The following CCDC30 variants were observed in gnomAD, a reference collection of about 807,000 sequenced individuals.
CCDC30 encodes coiled-coil domain containing 30.
A neutral mutation model predicts 100.2 loss-of-function variants in CCDC30; 70 were observed. The observed-to-expected ratio is 0.70, with a 90% CI of 0.58 to 0.85. CCDC30 has a LOEUF of 0.85. CCDC30 is among the 40% of genes least tolerant of loss of function. The pLI, the probability that CCDC30 is intolerant of heterozygous loss-of-function variation, is 0.00. For synonymous variants in CCDC30, 233 were observed against 269.5 expected (o/e 0.86, Z 1.33); for missense variants, 652 against 771.2 (o/e 0.85, Z 1.83).
chr1:42,471,146 T>G (rs1315948206), intron 1 of CCDC30, among the ~76,000 whole-genome samples: 1 of 152,098 alleles, frequency 6.6e-6, no homozygotes, highest in Non-Finnish European at 1.5e-5. Context: ...GGGAGAATGG[T>G]CAAGTGAAGG....
intron 16 of CCDC30, 67 bp downstream of exon 20, chr1:42,653,510 C>A: frequency 9.8e-7 from 1 of 1,023,636 alleles, no homozygotes. Context: ...GCCTGAGAGT[C>A]ATGGCTGCCT....
At chr1:42,553,608 A>G (rs533036526) in intron 6 of CCDC30, among the ~76,000 whole-genome samples, 1 of 149,436 alleles carries the variant, frequency 6.7e-6, no homozygotes, top group South Asian at 2.1e-4. Context: ...GTGAGCTATG[A>G]TCGCCCCACT....
In CCDC30 at chr1:42,554,436, C is replaced by G. The variant is rs1645326016; in HGVS notation, c.457-11860C>G. Among the ~76,000 whole-genome samples the G allele has an allele frequency of 2.6e-5, 4 of 152,142 alleles. No homozygotes were observed. In the South Asian group the frequency reaches 8.3e-4, roughly 32 times the overall value. On this transcript the variant is annotated intron_variant, in intron 6 of 16. Transcript: ENST00000668663. ...GGGACTATTGGTATGTACCACCACA[C>G]CTGGCTAATTTTTGTATTTTTAGTA...
intron 14 of CCDC30, among the ~76,000 whole-genome samples, chr1:42,645,612 G>A (rs1557492474): frequency 1.3e-5 from 2 of 152,104 alleles, no homozygotes; most frequent in Admixed American, 6.6e-5. Flanking sequence ...CACTGTTGCT[G>A]TAAGACTTGT....
chr1:42,507,517 T>C (rs1047212052), intron 6 of CCDC30, among the ~76,000 whole-genome samples: 1 of 152,234 alleles, frequency 6.6e-6, no homozygotes, highest in Admixed American at 6.5e-5. Context: ...AGACAATTCT[T>C]TATGACTAGG....
intron 7 of CCDC30, among the ~76,000 whole-genome samples, chr1:42,568,378 G>C (rs1434600540): frequency 6.6e-6 from 1 of 152,154 alleles, no homozygotes; most frequent in African/African-American, 2.4e-5. Context: ...GCTTCCCAAA[G>C]TGCTGGGATT....
At chr1:42,656,312 G>A (rs1648655949), downstream of CCDC30, among the ~76,000 whole-genome samples, 1 of 152,116 alleles carries the variant, frequency 6.6e-6, no homozygotes, top group African/African-American at 2.4e-5. Flanking sequence ...ATTGCTCTAG[G>A]ACATCACTTC....
At chr1:42,517,542 C>T (rs1644573012) in intron 6 of CCDC30, among the ~76,000 whole-genome samples, 1 of 152,176 alleles carries the variant, frequency 6.6e-6, no homozygotes. Flanking sequence ...AAGAATTTTA[C>T]AGTTTTAGCT....
At chr1:42,603,379 A>G (rs1318542045) in intron 10 of CCDC30, among the ~76,000 whole-genome samples, 2 of 152,180 alleles carry the variant, frequency 1.3e-5, no homozygotes, top group African/African-American at 4.8e-5. Flanking sequence ...ATACCTCTTA[A>G]TATTGGTGCA....
At chr1:42,500,021 TAGAC>T (rs1311326122) in intron 6 of CCDC30, among the ~76,000 whole-genome samples, 5 of 152,194 alleles carry the variant, frequency 3.3e-5, no homozygotes, top group East Asian at 3.8e-4. Flanking sequence ...GCCAGCCAGA[TAGAC>T]AGATGGGAGA....
At chr1:42,527,958 C>T (rs939500562) in intron 6 of CCDC30, among the ~76,000 whole-genome samples, 4 of 151,946 alleles carry the variant, frequency 2.6e-5, no homozygotes, top group Non-Finnish European at 5.9e-5. Context: ...CTCTGCCTCC[C>T]GGGTTCAAGT....
the CCDC30 span, chr1:42,456,167 G>GAAGA: frequency 1.6e-6 from 1 of 636,770 alleles, no homozygotes; most frequent in South Asian, 1.7e-5. Flanking sequence ...TGGAAAAGGG[G>GAAGA]AAGAAAGAAA....
chr1:42,648,882 C>T (rs1191077824), intron 15 of CCDC30, among the ~76,000 whole-genome samples: 1 of 151,594 alleles, frequency 6.6e-6, no homozygotes, highest in African/African-American at 2.4e-5. Flanking sequence ...ACTGAGATCT[C>T]AGAAATACAA....
intron 11 of CCDC30, among the ~76,000 whole-genome samples, chr1:42,634,082 CCG>C (rs1442360882): frequency 6.6e-6 from 1 of 152,004 alleles, no homozygotes; most frequent in Non-Finnish European, 1.5e-5. Context: ...GTATCACCTC[CCG>C]TCCATGATAC....
intron 10 of CCDC30, among the ~76,000 whole-genome samples, chr1:42,608,298 G>A (rs72959632): frequency 0.042 from 6,463 of 152,290 alleles, 446 homozygotes; most frequent in African/African-American, 0.14. Flanking sequence ...GGATTGCACT[G>A]TTGAAGATGC....
chr1:42,457,646 G>C, the CCDC30 span: 1 of 395,948 alleles, frequency 2.5e-6, no homozygotes. Context: ...GAGATGAATT[G>C]AACTGGGTTT....
At chr1:42,556,018 G>A (rs1645360941) in intron 6 of CCDC30, 138 bp from the exon 10 acceptor site, 1 of 850,532 alleles carries the variant, frequency 1.2e-6, no homozygotes, top group South Asian at 1.9e-5. Context: ...TTATTTTTAA[G>A]AATAAGATGA....
intron 11 of CCDC30, among the ~76,000 whole-genome samples, chr1:42,630,063 C>T (rs1293197741): frequency 6.7e-6 from 1 of 149,470 alleles, no homozygotes; most frequent in Non-Finnish European, 1.5e-5. Context: ...CAACCTCTAG[C>T]TCCCGGGTTC....
At chr1:42,457,441 G>A in the CCDC30 span, 2 of 1,099,662 alleles carry the variant, frequency 1.8e-6, no homozygotes, top group Non-Finnish European at 1.4e-6. Context: ...TTCTGCATCT[G>A]TATTCGCTAG....
Sources: allele counts gnomAD v4.1 joint callset (sites outside exome capture counted in the v4.1 genomes callset), GRCh38; gene constraint gnomAD v4.1.1; transcripts MANE v1.5; gene names NCBI Gene and HGNC (gene_info 2026-07-23, HGNC 2026-07-21).